The following SH2D4B variants were observed in gnomAD, a reference collection of about 807,000 sequenced individuals.
SH2D4B encodes the protein SH2 domain containing 4B.
Under a neutral mutation model 61.5 loss-of-function variants are expected in SH2D4B, and 45 were observed. That is an observed-to-expected ratio of 0.73 (90% confidence interval 0.58 to 0.94). The LOEUF is 0.94. Ranked by LOEUF, SH2D4B falls within the 40% of genes least tolerant of loss-of-function variation. The probability of loss-of-function intolerance (pLI) is 0.00; values close to 1 mark genes in which losing one functional copy is unlikely to be tolerated. For synonymous variants in SH2D4B, 224 were observed against 220.4 expected (o/e 1.02, Z -0.14); for missense variants, 572 against 574.2 (o/e 1.00, Z 0.04).
chr10:80,587,612 C>T lies in SH2D4B; in HGVS notation c.496-1018C>T, dbSNP rs138428343. 3.3e-3 allele frequency among the ~76,000 whole-genome samples: 499 copies of T among 152,054 alleles called. 10 individuals are homozygous for T. The highest frequency in any genetic ancestry group is 3.4e-3 in the Middle Eastern group (1 of 294). On this transcript the variant is annotated intron_variant, in intron 3 of 7. Transcript: ENST00000646907. ...TCTTTCTAAACTTTTATTTTAGATT[C>T]CAGAGGTGCATGTGCAGGTTTGTTA...
chr10:80,588,001 CAGTTA>C (rs763130679), intron 3 of SH2D4B, among the ~76,000 whole-genome samples: 146 of 152,300 alleles, frequency 9.6e-4, no homozygotes, highest in Non-Finnish European at 1.9e-3. Context: ...ACCACCTTGT[CAGTTA>C]AGTTAGGTGG....
rs753445416 is a variant in SH2D4B, at chr10:80,538,582, C to G, written c.184+67C>G. 1.6e-6 allele frequency: 2 copies of G among 1,255,100 alleles called. No homozygotes were observed. Among genetic ancestry groups the G allele is most frequent in the Non-Finnish European group, 1.0e-6 (1 of 974,150 alleles). 77.7% of individuals were successfully genotyped at this position (1,255,100 alleles called of 1,614,324 possible). A position where few individuals can be genotyped will look rare whatever the true frequency, so the allele number is the denominator to read the frequency against. Reference sequence around the variant, plus strand: ...CCAGGAGGTAGAAAAATTAGCAGGGCCAGGCTGTGCCCTTCTTCAAGATGG... The same window carrying G: ...CCAGGAGGTAGAAAAATTAGCAGGGGCAGGCTGTGCCCTTCTTCAAGATGG... On this transcript the variant is annotated intron_variant, in intron 1 of 7. Coordinates refer to ENST00000646907, the MANE Select transcript of SH2D4B (RefSeq NM_001388272.1). The surrounding 1 kb of genome is among the most constrained non-coding windows in gnomAD (Gnocchi z 4.8).
intron 6 of SH2D4B, among the ~76,000 whole-genome samples, chr10:80,618,824 A>G (rs1324611942): frequency 6.6e-6 from 1 of 152,054 alleles, no homozygotes; most frequent in African/African-American, 2.4e-5. Flanking sequence ...AAAAGAGCTC[A>G]TTTGGTTACT....
chr10:80,618,266 C>T (rs1201620071), intron 6 of SH2D4B, among the ~76,000 whole-genome samples: 1 of 152,222 alleles, frequency 6.6e-6, no homozygotes, highest in Non-Finnish European at 1.5e-5. Flanking sequence ...CAGTATTATA[C>T]AGGATCTTGC....
chr10:80,590,651 C>T (rs918050205), intron 4 of SH2D4B, among the ~76,000 whole-genome samples: 4 of 152,100 alleles, frequency 2.6e-5, no homozygotes, highest in East Asian at 1.9e-4. Context: ...GTGTCTTCTA[C>T]TGGCCAGCCT....
chr10:80,563,123 G>A (rs11186065), intron 1 of SH2D4B, among the ~76,000 whole-genome samples: 3,122 of 151,824 alleles, frequency 0.021, 52 homozygotes, highest in South Asian at 0.071. Context: ...GGATGGTCTC[G>A]ATCTCCTGAC....
chr10:80,585,045 A>G (rs1589345358), intron 3 of SH2D4B, among the ~76,000 whole-genome samples: 1 of 152,376 alleles, frequency 6.6e-6, no homozygotes, highest in East Asian at 1.9e-4. Flanking sequence ...CCTGTGTTTC[A>G]TAATGTATGT....
At chr10:80,587,878 A>G (rs190210543) in intron 3 of SH2D4B, among the ~76,000 whole-genome samples, 2 of 152,184 alleles carry the variant, frequency 1.3e-5, no homozygotes, top group Non-Finnish European at 2.9e-5. Flanking sequence ...TTCACTTACT[A>G]TAATGGCCTC....
At chr10:80,552,745 T>C (rs1401821100) in intron 1 of SH2D4B, among the ~76,000 whole-genome samples, 1 of 152,208 alleles carries the variant, frequency 6.6e-6, no homozygotes, top group Non-Finnish European at 1.5e-5. Flanking sequence ...CTTCCTATGG[T>C]TTTCCCATTT....
rs565621178 is a variant in SH2D4B, at chr10:80,645,887, A to C, written c.*1802A>C. 1 of 152,312 alleles carries C rather than the reference A, an allele frequency of 6.6e-6. No individual in the cohort carries two copies. The highest frequency in any genetic ancestry group is 2.4e-5 in the African/African-American group (1 of 41,582). The allele number at this position is 152,312 out of a possible 1,614,324, so 9.4% of individuals were successfully genotyped here. A position where few individuals can be genotyped will look rare whatever the true frequency, so the allele number is the denominator to read the frequency against. On this transcript the variant is annotated 3_prime_UTR_variant, in exon 8 of 8. Transcript: ENST00000646907. The stretch of plus-strand genomic sequence containing the variant: ...ATGCATAAAGTGAAATGATGGAAGG[A>C]ATCTGCTTTCTGAACTCTAATGTGC...
chr10:80,603,485 A>G, intron 4 of SH2D4B, 94 bp from the exon 5 acceptor site: 1 of 1,196,982 alleles, frequency 8.4e-7, no homozygotes, highest in Non-Finnish European at 1.1e-6. Flanking sequence ...CATTGCAATT[A>G]CTTTTGCACC....
At chr10:80,637,330 C>T (rs1475361619) in intron 7 of SH2D4B, among the ~76,000 whole-genome samples, 1 of 152,142 alleles carries the variant, frequency 6.6e-6, no homozygotes, top group Admixed American at 6.5e-5. Context: ...TGAAGAAAGT[C>T]ATTGGTAGTT....
chr10:80,569,296 C>T (rs1414848023), intron 1 of SH2D4B, among the ~76,000 whole-genome samples: 1 of 152,116 alleles, frequency 6.6e-6, no homozygotes, highest in Non-Finnish European at 1.5e-5. Flanking sequence ...ACTGCCTTGG[C>T]CCGGGAGTGA....
rs61596063 is a variant in SH2D4B at position 80,555,294 on chromosome 10, C to T, written c.185-14860C>T. Among the ~76,000 whole-genome samples, 1,015 of 152,278 alleles carry T rather than the reference C, an allele frequency of 6.7e-3. 12 individuals are homozygous for T. Among genetic ancestry groups the T allele is most frequent in the African/African-American group, 0.023 (967 of 41,550 alleles). On this transcript the variant is annotated intron_variant, in intron 1 of 7. Transcript: ENST00000646907. ...TCCAAGAGAACAAGAACAGCAAGTACGGTCTAGAACCAGGAAGCTGTCTGC... is the reference window on the plus strand; with the variant it reads ...TCCAAGAGAACAAGAACAGCAAGTATGGTCTAGAACCAGGAAGCTGTCTGC...
chr10:80,643,229 G>T (rs1457265327), intron 7 of SH2D4B, among the ~76,000 whole-genome samples: 1 of 150,564 alleles, frequency 6.6e-6, no homozygotes, highest in East Asian at 1.9e-4. Context: ...TTGGTTTCCA[G>T]GTTCTTTAAG....
intron 4 of SH2D4B, among the ~76,000 whole-genome samples, chr10:80,592,848 C>G (rs1038454950): frequency 1.3e-5 from 2 of 151,604 alleles, no homozygotes; most frequent in African/African-American, 4.9e-5. Context: ...TCCTGAGTAG[C>G]TGGACCACAG....
chr10:80,619,516 C>T (rs1037103771), intron 6 of SH2D4B, among the ~76,000 whole-genome samples: 2 of 152,194 alleles, frequency 1.3e-5, no homozygotes, highest in African/African-American at 4.8e-5. Flanking sequence ...TCCATCAAGG[C>T]CCCCAATCTA....
At position 80,619,411 on chromosome 10, in the gene SH2D4B, G is replaced by A. The variant is rs536485260; in HGVS notation, c.988+9860G>A. Among the ~76,000 whole-genome samples, 50 of 152,332 alleles carry A rather than the reference G, an allele frequency of 3.3e-4. 2 individuals carry two copies. In the South Asian group the frequency reaches 7.7e-3, roughly 23 times the overall value. On this transcript the variant is annotated intron_variant, in intron 6 of 7. Coordinates refer to ENST00000646907, the MANE Select transcript of SH2D4B (RefSeq NM_001388272.1). ...TGTCCTGTTCTACAGAGGCCCAACC[G>A]GGAGTGCTATGGTCAGTATGGCAGC...
chr10:80,607,550 C>G (rs1354114839), intron 5 of SH2D4B: 1 of 152,212 alleles, frequency 6.6e-6, no homozygotes, highest in Non-Finnish European at 1.5e-5. Context: ...CATCTTTTCT[C>G]AAATCTACAG....
Sources: allele counts gnomAD v4.1 joint callset (sites outside exome capture counted in the v4.1 genomes callset), GRCh38; gene constraint gnomAD v4.1.1; non-coding constraint Gnocchi (gnomAD v3.1); transcripts MANE v1.5; gene names NCBI Gene and HGNC (gene_info 2026-07-23, HGNC 2026-07-21).